The following PRKN variants were observed in gnomAD, a reference collection of about 807,000 sequenced individuals.
The protein encoded by PRKN is E3 ubiquitin-protein ligase parkin.
Under a neutral mutation model 59.5 loss-of-function variants are expected in PRKN, and 56 were observed. That is an observed-to-expected ratio of 0.94 (90% CI 0.76 to 1.18). The LOEUF (loss-of-function observed/expected upper bound fraction) is 1.18, where lower values mean the gene tolerates loss of function less well. Ranked by LOEUF, PRKN falls within the 50% of genes most tolerant of loss-of-function variation. PRKN has a pLI of 0.00. For synonymous variants in PRKN, 250 were observed against 222.1 expected (o/e 1.13, Z -1.12); for missense variants, 657 against 596.4 (o/e 1.10, Z -1.06).
intron 2 of PRKN, among the ~76,000 whole-genome samples, chr6:162,373,082 A>C (rs1785858666): frequency 6.6e-6 from 1 of 152,176 alleles, no homozygotes; most frequent in South Asian, 2.1e-4. Flanking sequence ...TAAGACAGTG[A>C]GGAGAAAGTA....
intron 1 of PRKN, among the ~76,000 whole-genome samples, chr6:162,628,540 A>G (rs1457621494): frequency 3.3e-5 from 5 of 152,294 alleles, no homozygotes; most frequent in African/African-American, 1.2e-4. Context: ...ATATCTCAGA[A>G]GTGAAGATCT....
intron 6 of PRKN, among the ~76,000 whole-genome samples, chr6:161,894,747 C>T (rs926634038): frequency 5.3e-5 from 8 of 152,108 alleles, no homozygotes; most frequent in Non-Finnish European, 8.8e-5. Flanking sequence ...CTTTTGTATG[C>T]GCTTCTAGAC....
intron 1 of PRKN, among the ~76,000 whole-genome samples, chr6:162,719,358 G>A (rs1013144474): frequency 6.6e-6 from 1 of 151,930 alleles, no homozygotes; most frequent in Admixed American, 6.6e-5. Context: ...CTCACACTCT[G>A]GGAACTCACC....
intron 9 of PRKN, among the ~76,000 whole-genome samples, chr6:161,411,985 T>TTCCTTCCTTCCTCAC (rs1787577257): frequency 1.9e-5 from 1 of 53,974 alleles, no homozygotes; most frequent in Non-Finnish European, 3.7e-5. Context: ...TCCTTCCTCA[T>TTCCTTCCTTCCTCAC]TCATTCCTTC....
At chr6:161,817,907 T>C (rs1427102801) in intron 6 of PRKN, among the ~76,000 whole-genome samples, 1 of 152,186 alleles carries the variant, frequency 6.6e-6, no homozygotes, top group Non-Finnish European at 1.5e-5. Flanking sequence ...CTTCCCACCG[T>C]TGCTCCAAGG....
At chr6:162,010,666 A>C (rs1274164097) in intron 5 of PRKN, among the ~76,000 whole-genome samples, 1 of 4,974 alleles carries the variant, frequency 2.0e-4, no homozygotes, top group Non-Finnish European at 2.4e-4. Context: ...TATATTATAT[A>C]TAATATACTA....
rs200266863 is a variant in PRKN at position 162,631,531 on chromosome 6, A to AT, written c.7+96130dup. On this transcript the variant is annotated intron_variant, in intron 1 of 11. Transcript: ENST00000366898. ...GTTCATGTCCTTTGCCCATTTTTAA[A>AT]TTTTTTTTATTGTGTTTTGCTTCTT... Among the ~76,000 whole-genome samples, 1,474 of 151,884 alleles carry AT rather than the reference A, an allele frequency of 9.7e-3. 5 individuals are homozygous for AT. Among genetic ancestry groups the AT allele is most frequent in the Non-Finnish European group, 0.016 (1,070 of 67,922 alleles).
chr6:162,444,197 T>C (rs1420928081), intron 1 of PRKN, among the ~76,000 whole-genome samples: 4 of 152,020 alleles, frequency 2.6e-5, no homozygotes, highest in African/African-American at 9.7e-5. Context: ...CCCTTTACTT[T>C]CCATTCTTTC....
At chr6:161,438,454 A>G (rs1019889244) in intron 9 of PRKN, among the ~76,000 whole-genome samples, 20 of 151,892 alleles carry the variant, frequency 1.3e-4, no homozygotes, top group South Asian at 2.1e-4. Flanking sequence ...TTGACCTCGT[A>G]ATCCGCCCAC....
chr6:162,239,041 C>T (rs192334363), intron 3 of PRKN, among the ~76,000 whole-genome samples: 8 of 152,162 alleles, frequency 5.3e-5, no homozygotes, highest in African/African-American at 1.9e-4. Flanking sequence ...CCAGAGAAAA[C>T]GCTAGCATAC....
chr6:162,378,132 C>A (rs1046242614), intron 2 of PRKN, among the ~76,000 whole-genome samples: 16 of 152,262 alleles, frequency 1.1e-4, no homozygotes, highest in African/African-American at 3.4e-4. Context: ...TAAAGAAAGA[C>A]CATCTATCTG....
chr6:161,868,078 T>G (rs185458722), intron 6 of PRKN, among the ~76,000 whole-genome samples: 42 of 152,104 alleles, frequency 2.8e-4, no homozygotes, highest in African/African-American at 8.9e-4. Flanking sequence ...TTAATTTCTT[T>G]AATCCCAATC....
In PRKN at chr6:162,275,212, C is replaced by T. The variant is rs374834545; in HGVS notation, c.172-12447G>A. On this transcript the variant is annotated intron_variant, in intron 2 of 11. Transcript: ENST00000366898. ...AAGAAGGAAGCACTATGTGACTATG[C>T]CTGAGTCTGACTACATTTGGCTGTA... is the stretch of plus-strand genomic sequence containing the variant. 1.7e-4 allele frequency among the ~76,000 whole-genome samples: 25 copies of T among 151,416 alleles called. 1 individual carries two copies. Among genetic ancestry groups the T allele is most frequent in the African/African-American group, 5.4e-4 (22 of 40,872 alleles).
chr6:161,573,552 C>A (rs1780977606), intron 7 of PRKN, among the ~76,000 whole-genome samples: 1 of 149,780 alleles, frequency 6.7e-6, no homozygotes. Flanking sequence ...AACCCCGTCT[C>A]TACTAAAAAT....
intron 5 of PRKN, among the ~76,000 whole-genome samples, chr6:161,988,598 A>G (rs1006613429): frequency 6.6e-6 from 1 of 152,128 alleles, no homozygotes; most frequent in East Asian, 1.9e-4. Flanking sequence ...ACTTGAGAAT[A>G]TAAGAATTTT....
At chr6:162,661,864 G>A (rs1289653812) in intron 1 of PRKN, among the ~76,000 whole-genome samples, 1 of 152,096 alleles carries the variant, frequency 6.6e-6, no homozygotes, top group Non-Finnish European at 1.5e-5. Flanking sequence ...ACAAGTGCAG[G>A]TTTCTTACAT....
chr6:161,856,403 G>T (rs1793654691), intron 6 of PRKN, among the ~76,000 whole-genome samples: 1 of 139,330 alleles, frequency 7.2e-6, no homozygotes, highest in African/African-American at 2.7e-5. Flanking sequence ...AAAATGAACT[G>T]CTTCTTCTAC....
chr6:162,669,167 T>C (rs149081989), intron 1 of PRKN, among the ~76,000 whole-genome samples: 7 of 152,222 alleles, frequency 4.6e-5, no homozygotes, highest in African/African-American at 2.4e-5. Context: ...AAAGCCACCA[T>C]ATCATTGACC....
chr6:162,201,394 A>G, intron 3 of PRKN, 142 bp from the exon 4 acceptor site: 1 of 750,468 alleles, frequency 1.3e-6, no homozygotes, highest in South Asian at 1.5e-5. Context: ...AAATATTCCA[A>G]TGGGAATACA....
Sources: allele counts gnomAD v4.1 joint callset (sites outside exome capture counted in the v4.1 genomes callset), GRCh38; gene constraint gnomAD v4.1.1; transcripts MANE v1.5; gene names NCBI Gene and HGNC (gene_info 2026-07-23, HGNC 2026-07-21).